CEP290: variants seen among roughly 807,000 people sequenced by gnomAD.
CEP290 encodes the protein centrosomal protein 290, also known as centrosomal protein of 290 kDa.
Under a neutral mutation model 344.9 loss-of-function variants are expected in CEP290, and 317 were observed. The ratio of observed to expected loss-of-function variants is 0.92; its 90% CI spans 0.84 to 1.01. The LOEUF is 1.01. CEP290 is among the 50% of genes least tolerant of loss of function. CEP290 has a pLI of 0.00. For missense variants in CEP290, 2,754 were observed against 2,761.4 expected (o/e 1.00, Z 0.06); for synonymous variants, 932 against 895.8 (o/e 1.04, Z -0.72).
chr12:88,112,444 C>T (rs1244460599), intron 20 of CEP290, among the ~76,000 whole-genome samples: 1 of 152,098 alleles, frequency 6.6e-6, no homozygotes. Flanking sequence ...GGTATCATAA[C>T]ATGATATTAT....
At chr12:88,086,244 G>A in intron 33 of CEP290, 71 bp from the exon 34 acceptor site, 9 of 1,555,646 alleles carry the variant, frequency 5.8e-6, no homozygotes, top group Middle Eastern at 1.8e-4. Context: ...TTTTACAGCT[G>A]TATGATAAAA....
chr12:88,121,968 T>C (rs954323653), intron 13 of CEP290, among the ~76,000 whole-genome samples: 1 of 152,168 alleles, frequency 6.6e-6, no homozygotes, highest in East Asian at 1.9e-4. Flanking sequence ...TACTAAATTG[T>C]TAAAAGACCA....
intron 18 of CEP290, among the ~76,000 whole-genome samples, 191 bp downstream of exon 18, chr12:88,116,842 C>G (rs951602814): frequency 6.6e-6 from 1 of 151,724 alleles, no homozygotes; most frequent in African/African-American, 2.4e-5. Flanking sequence ...GGCGTGGTGG[C>G]GGGCGCCTGT....
chr12:88,139,292 T>A, intron 4 of CEP290, 101 bp from the exon 5 acceptor site: 1 of 593,128 alleles, frequency 1.7e-6, no homozygotes. Context: ...TTTAAAAGAG[T>A]CCATCATGAT....
intron 37 of CEP290, among the ~76,000 whole-genome samples, chr12:88,082,715 A>C (rs2036283633): frequency 6.6e-6 from 1 of 152,156 alleles, no homozygotes; most frequent in Non-Finnish European, 1.5e-5. Flanking sequence ...TAAATAAATA[A>C]GATGAAACTG....
intron 5 of CEP290, 105 bp from the exon 6 acceptor site, chr12:88,136,891 C>T (rs2040383026): frequency 2.0e-6 from 2 of 988,908 alleles, no homozygotes; most frequent in Non-Finnish European, 3.1e-6. Flanking sequence ...TTGCATTATA[C>T]TTCAGTGCAG....
intron 46 of CEP290, among the ~76,000 whole-genome samples, chr12:88,061,582 C>T (rs2034483767): frequency 6.6e-6 from 1 of 152,008 alleles, no homozygotes; most frequent in South Asian, 2.1e-4. Context: ...AACAGTTTAG[C>T]CAAACAGTAT....
At chr12:88,102,324 A>T (rs1459380139) in intron 26 of CEP290, among the ~76,000 whole-genome samples, 2 of 152,218 alleles carry the variant, frequency 1.3e-5, no homozygotes, top group Non-Finnish European at 2.9e-5. Context: ...AAAAATGATG[A>T]GAATTTACAG....
intron 41 of CEP290, 120 bp downstream of exon 41, chr12:88,077,102 T>C (rs1439403877): frequency 1.1e-6 from 1 of 942,514 alleles, no homozygotes; most frequent in African/African-American, 1.7e-5. Flanking sequence ...TCAAAATTAA[T>C]ACAGAATTAA....
chr12:88,078,860 G>T (rs2035977806), intron 39 of CEP290, among the ~76,000 whole-genome samples: 1 of 151,936 alleles, frequency 6.6e-6, no homozygotes, highest in Admixed American at 6.6e-5. Flanking sequence ...AATTTCATTA[G>T]AAACAGTAGT....
chr12:88,049,457 A>C, intron 53 of CEP290, 43 bp from the exon 54 acceptor site: 1 of 1,001,854 alleles, frequency 1.0e-6, no homozygotes. Flanking sequence ...TAGGAAATAT[A>C]CATATTTTAC....
intron 41 of CEP290, among the ~76,000 whole-genome samples, chr12:88,072,979 G>T (rs1441388950): frequency 6.6e-6 from 1 of 152,076 alleles, no homozygotes. Context: ...GGCATTTCAG[G>T]GGTAGGTGTC....
intron 6 of CEP290, 187 bp downstream of exon 6, chr12:88,136,456 C>G: frequency 1.7e-6 from 1 of 584,148 alleles, no homozygotes; most frequent in Non-Finnish European, 3.0e-6. Context: ...AAGTCATATT[C>G]ACTAGAAGTA....
At chr12:88,134,965 A>G (rs981360454) in intron 6 of CEP290, among the ~76,000 whole-genome samples, 2 of 152,168 alleles carry the variant, frequency 1.3e-5, no homozygotes. Context: ...CTCAGTTTAC[A>G]GATCACATCC....
chr12:88,069,677 T>G (rs1239509350), intron 43 of CEP290, among the ~76,000 whole-genome samples: 1 of 152,198 alleles, frequency 6.6e-6, no homozygotes, highest in African/African-American at 2.4e-5. Flanking sequence ...TAGAAGCTCA[T>G]GAGAGTGTTC....
chr12:88,116,815 A>G (rs2039068556), intron 18 of CEP290, among the ~76,000 whole-genome samples: 1 of 151,884 alleles, frequency 6.6e-6, no homozygotes, highest in Admixed American at 6.6e-5. Flanking sequence ...TCTACTAAAA[A>G]TACAAAAAAT....
rs778407127 is a variant in CEP290 at position 88,093,866 on chromosome 12, C to CT, written c.3212dup (p.Arg1072AlafsTer3). 3.7e-6 allele frequency: 6 copies of CT among 1,612,892 alleles called. No homozygotes were observed. Among genetic ancestry groups the CT allele is most frequent in the Non-Finnish European group, 5.1e-6 (6 of 1,179,326 alleles). On this transcript the variant is annotated frameshift_variant, in exon 28 of 54. Coordinates refer to ENST00000552810, the MANE Select transcript of CEP290 (RefSeq NM_025114.4). LOFTEE classifies it high-confidence loss of function. Reference sequence around the variant, plus strand: ...ACATTTTTTGACAATGTTCAGCCCGCTGCCTTTCATTTAATTCCTTCATTT... The same window carrying CT: ...ACATTTTTTGACAATGTTCAGCCCGCTTGCCTTTCATTTAATTCCTTCATTT...
chr12:88,130,496 T>G, intron 8 of CEP290, 49 bp downstream of exon 8: 1 of 1,592,942 alleles, frequency 6.3e-7, no homozygotes, highest in Non-Finnish European at 8.5e-7. Flanking sequence ...AATAGTGCTC[T>G]CACAACATAT....
At chr12:88,128,825 T>C in intron 11 of CEP290, 121 bp downstream of exon 11, 1 of 550,000 alleles carries the variant, frequency 1.8e-6, no homozygotes, top group Non-Finnish European at 3.0e-6. Flanking sequence ...AATAAACTTA[T>C]GTTTAAAAAC....
Sources: gnomAD v4.1 joint callset for allele counts (sites outside exome capture counted in the v4.1 genomes callset) on GRCh38, gnomAD v4.1.1 for gene constraint, MANE v1.5 for transcripts, NCBI Gene and HGNC (gene_info 2026-07-23, HGNC 2026-07-21) for gene names.